Variants in IL1RAPL1 observed in about 807,000 individuals in gnomAD.
IL1RAPL1 encodes the protein interleukin 1 receptor accessory protein like 1.
IL1RAPL1 carries 3 observed loss-of-function variants against 48.4 expected under a neutral mutation model. The observed-to-expected ratio is 0.06, with a 90% CI of 0.03 to 0.16. The LOEUF (loss-of-function observed/expected upper bound fraction) is 0.16. Among genes scored for constraint, IL1RAPL1 ranks in the 10% least tolerant of loss-of-function variants. The pLI is 1.00. For missense variants in IL1RAPL1, 349 were observed against 530.6 expected, an observed-to-expected ratio of 0.66 and a Z score of 3.36; for synonymous variants, 185 against 187.7, an observed-to-expected ratio of 0.99 and a Z score of 0.12.
At chrX:29,930,864 A>G (rs919059760) in intron 8 of IL1RAPL1, among the ~76,000 whole-genome samples, 2 of 112,188 alleles carry the variant, frequency 1.8e-5, no homozygotes, top group Non-Finnish European at 3.8e-5. Flanking sequence ...TTCTCAAGCC[A>G]CTGCTAGTTT....
chrX:28,719,123 A>T (rs895005622), intron 1 of IL1RAPL1, among the ~76,000 whole-genome samples: 1 of 111,225 alleles, frequency 9.0e-6, no homozygotes, highest in African/African-American at 3.3e-5. Context: ...ATCGGAATTT[A>T]GGAAATGGTC....
At chrX:29,758,518 C>A (rs1928671284) in intron 6 of IL1RAPL1, among the ~76,000 whole-genome samples, 1 of 109,911 alleles carries the variant, frequency 9.1e-6, no homozygotes, top group Admixed American at 9.8e-5. Flanking sequence ...CATGGTGAAA[C>A]CCCCGTCTCT....
intron 1 of IL1RAPL1, among the ~76,000 whole-genome samples, chrX:28,686,834 G>A (rs1367072693): frequency 2.7e-5 from 3 of 111,924 alleles, no homozygotes; most frequent in Admixed American, 1.9e-4. Flanking sequence ...GCAAAAGACA[G>A]TAAGAGATGT....
intron 1 of IL1RAPL1, among the ~76,000 whole-genome samples, chrX:28,753,644 G>T (rs929205300): frequency 1.8e-5 from 2 of 112,056 alleles, no homozygotes; most frequent in Non-Finnish European, 3.8e-5. Context: ...CTTTCTAGTA[G>T]CTTCCATATC....
chrX:28,648,283 T>C, intron 1 of IL1RAPL1, among the ~76,000 whole-genome samples: 1 of 111,749 alleles, frequency 8.9e-6, no homozygotes, highest in Non-Finnish European at 1.9e-5. Flanking sequence ...CATCCCTACC[T>C]ATACAAAATT....
intron 5 of IL1RAPL1, among the ~76,000 whole-genome samples, chrX:29,495,457 C>T (rs1011226958): frequency 3.6e-5 from 4 of 111,501 alleles, no homozygotes; most frequent in African/African-American, 1.3e-4. Flanking sequence ...GTGCATCTAT[C>T]TCGTAATCTA....
At chrX:29,325,264 A>G (rs1228369967) in intron 3 of IL1RAPL1, among the ~76,000 whole-genome samples, 1 of 112,467 alleles carries the variant, frequency 8.9e-6, no homozygotes, top group Non-Finnish European at 1.9e-5. Flanking sequence ...CATTTGTCAC[A>G]TAGTAAGCAC....
At chrX:28,758,517 A>G (rs1252594134) in intron 1 of IL1RAPL1, among the ~76,000 whole-genome samples, 1 of 111,185 alleles carries the variant, frequency 9.0e-6, no homozygotes, top group Non-Finnish European at 1.9e-5. Flanking sequence ...TATCAAAGGT[A>G]TTCAGTTCTC....
chrX:29,354,485 T>C (rs190024852), intron 3 of IL1RAPL1, among the ~76,000 whole-genome samples: 2 of 112,042 alleles, frequency 1.8e-5, no homozygotes, highest in Non-Finnish European at 3.8e-5. Flanking sequence ...AAACCTATTT[T>C]ATGATCTCAT....
chrX:29,601,607 T>C (rs376812762), intron 5 of IL1RAPL1, among the ~76,000 whole-genome samples: 14 of 112,542 alleles, frequency 1.2e-4, no homozygotes, highest in East Asian at 5.6e-4. Context: ...GTTTTCTTTA[T>C]AAAACAGATG....
intron 5 of IL1RAPL1, among the ~76,000 whole-genome samples, chrX:29,541,082 A>C (rs1471134399): frequency 1.8e-5 from 2 of 112,272 alleles, no homozygotes. Context: ...AAAGTTGGAC[A>C]AACTAAAAAC....
intron 3 of IL1RAPL1, among the ~76,000 whole-genome samples, chrX:29,335,228 G>C (rs1932970492): frequency 1.0e-5 from 1 of 95,585 alleles, no homozygotes; most frequent in African/African-American, 3.8e-5. Flanking sequence ...GTCCAGCTTT[G>C]GCTCGGCATC....
At chrX:29,573,657 A>G (rs1243396654) in intron 5 of IL1RAPL1, among the ~76,000 whole-genome samples, 2 of 112,238 alleles carry the variant, frequency 1.8e-5, no homozygotes, top group African/African-American at 6.5e-5. Context: ...TCACTGGCAT[A>G]TCTTGGTAAA....
intron 5 of IL1RAPL1, among the ~76,000 whole-genome samples, chrX:29,457,050 C>T (rs908153814): frequency 9.1e-5 from 10 of 109,621 alleles, no homozygotes; most frequent in African/African-American, 3.3e-4. Flanking sequence ...GGAAAGATCA[C>T]TTGAGCCCAG....
chrX:28,683,121 C>A (rs773863202), intron 1 of IL1RAPL1, among the ~76,000 whole-genome samples: 1 of 111,733 alleles, frequency 8.9e-6, no homozygotes, highest in African/African-American at 3.3e-5. Flanking sequence ...ATCTTGAGTT[C>A]ATATTGGATT....
At chrX:29,741,558 A>G (rs908135063) in intron 6 of IL1RAPL1, among the ~76,000 whole-genome samples, 1 of 111,120 alleles carries the variant, frequency 9.0e-6, no homozygotes, top group Admixed American at 9.7e-5. Flanking sequence ...AGGGATTTTT[A>G]ACTAGGAGCG....
At chrX:28,894,621 G>A (rs1922858475) in intron 2 of IL1RAPL1, among the ~76,000 whole-genome samples, 2 of 110,868 alleles carry the variant, frequency 1.8e-5, no homozygotes, top group African/African-American at 6.6e-5. Flanking sequence ...TAGATTTTAG[G>A]AGTTATGAGA....
chrX:29,954,338 C>A (rs954941197), intron 9 of IL1RAPL1, among the ~76,000 whole-genome samples, 184 bp from the exon 10 acceptor site: 3 of 109,119 alleles, frequency 2.7e-5, no homozygotes, highest in African/African-American at 1.0e-4. Flanking sequence ...AAAATTCAAC[C>A]CTTTGTACCT....
intron 6 of IL1RAPL1, among the ~76,000 whole-genome samples, chrX:29,771,843 C>T (rs1256338221): frequency 9.0e-6 from 1 of 111,686 alleles, no homozygotes; most frequent in African/African-American, 3.3e-5. Context: ...CTTTAATTGA[C>T]TCACAGTTCC....
Sources: allele counts gnomAD v4.1 joint callset (sites outside exome capture counted in the v4.1 genomes callset), GRCh38; gene constraint gnomAD v4.1.1; transcripts MANE v1.5; gene names NCBI Gene and HGNC (gene_info 2026-07-23, HGNC 2026-07-21).